WDR27: variants seen among roughly 807,000 people sequenced by gnomAD.
WDR27 encodes the protein WD repeat domain 27.
WDR27 carries 100 observed loss-of-function variants against 114.4 expected under a neutral mutation model. The ratio of observed to expected loss-of-function variants is 0.87; its 90% confidence interval spans 0.74 to 1.03. The LOEUF (loss-of-function observed/expected upper bound fraction) is 1.03. Ranked by LOEUF, WDR27 falls within the 50% of genes least tolerant of loss-of-function variation. The pLI is 0.00. For synonymous variants in WDR27, 449 were observed against 423.1 expected, an observed-to-expected ratio of 1.06 and a Z score of -0.75; for missense variants, 1,129 against 1,092.9, an observed-to-expected ratio of 1.03 and a Z score of -0.47.
At chr6:169,663,010 C>T (rs995246740) in intron 8 of WDR27, among the ~76,000 whole-genome samples, 1 of 151,526 alleles carries the variant, frequency 6.6e-6, no homozygotes, top group Non-Finnish European at 1.5e-5. Flanking sequence ...ACTCGGATCA[C>T]GCGTCGAGGA....
At chr6:169,616,478 C>T (rs558320600) in intron 21 of WDR27, among the ~76,000 whole-genome samples, 1 of 152,116 alleles carries the variant, frequency 6.6e-6, no homozygotes, top group African/African-American at 2.4e-5. Context: ...TAGAGCAAGA[C>T]TCCGTCTCCA....
intron 21 of WDR27, among the ~76,000 whole-genome samples, chr6:169,623,244 CTGA>C (rs1443489120): frequency 2.0e-5 from 3 of 152,156 alleles, no homozygotes; most frequent in African/African-American, 7.2e-5. Flanking sequence ...GCTTTGACTC[CTGA>C]TGATTTCACC....
intron 9 of WDR27, among the ~76,000 whole-genome samples, chr6:169,661,840 A>G (rs1826203026): frequency 6.6e-6 from 1 of 152,260 alleles, no homozygotes; most frequent in South Asian, 2.1e-4. Flanking sequence ...AGAAGTAAAC[A>G]TAATTGTAAT....
intron 25 of WDR27, among the ~76,000 whole-genome samples, chr6:169,549,659 G>A (rs1190717407): frequency 6.6e-6 from 1 of 152,168 alleles, no homozygotes; most frequent in Non-Finnish European, 1.5e-5. Context: ...ATAAAACTGT[G>A]GTGCATCCAG....
chr6:169,509,837 A>T (rs1792555116), intron 25 of WDR27, among the ~76,000 whole-genome samples: 1 of 152,252 alleles, frequency 6.6e-6, no homozygotes, highest in Admixed American at 6.5e-5. Flanking sequence ...ATCACAGTGA[A>T]CAGGCAACCT....
chr6:169,632,952 T>C lies in WDR27; in HGVS notation c.2218A>G (p.Asn740Asp). The change falls in exon 21 of 26, where the codon AAT (asparagine) becomes GAT (aspartate). Residue 740 changes from asparagine to aspartate, a missense_variant. Coordinates refer to ENST00000448612, the MANE Select transcript of WDR27 (RefSeq NM_182552.5). ...TTATCCAAAAACTTACTCACTTTATTTTGGCAGATTTGATGGACAGGCCGT... is the reference window on the plus strand; with the variant it reads ...TTATCCAAAAACTTACTCACTTTATCTTGGCAGATTTGATGGACAGGCCGT... ...HSRPVHQICQ[N>D]KGSSFTTQQP... 6.3e-7 allele frequency: 1 copy of C among 1,582,368 alleles called. No homozygotes were observed. Among genetic ancestry groups the C allele is most frequent in the Non-Finnish European group, 8.7e-7 (1 of 1,156,008 alleles).
intron 15 of WDR27, among the ~76,000 whole-genome samples, chr6:169,648,344 C>T (rs1439614445): frequency 1.3e-5 from 2 of 152,210 alleles, no homozygotes; most frequent in Non-Finnish European, 2.9e-5. Context: ...CACTGCTACC[C>T]AGCAGCTCCC....
Position 169,665,480 on chromosome 6 carries a change from T to C in WDR27, c.783+6A>G, listed in dbSNP as rs768887714. 1.2e-6 allele frequency: 2 copies of C among 1,612,288 alleles called. No homozygotes were observed. Among genetic ancestry groups the C allele is most frequent in the Non-Finnish European group, 8.5e-7 (1 of 1,179,154 alleles). ...GAACTGGAACTTAACTCTGTGGCTG[T>C]CTCACCTGGCCGTCAGCACACCCGG... On this transcript the variant is annotated splice_donor_region_variant and intron_variant, in intron 7 of 25. Coordinates refer to ENST00000448612, the MANE Select transcript of WDR27 (RefSeq NM_182552.5).
rs79859239 is a variant in WDR27, at chr6:169,549,252, G to A, written c.2645+23167C>T. ...ATGCCTCACCAAAGAGGGACATACC[G>A]ATGGCAAATAAGCATATAAAAATAC... On this transcript the variant is annotated intron_variant, in intron 25 of 25. Transcript: ENST00000448612. Among the ~76,000 whole-genome samples, 475 of 152,278 alleles carry A rather than the reference G, an allele frequency of 3.1e-3. 7 individuals carry two copies. The East Asian group carries it at 0.032, about 10-fold the overall frequency.
chr6:169,450,152 G>C, the WDR27 span, among the ~76,000 whole-genome samples: 2 of 152,206 alleles, frequency 1.3e-5, no homozygotes, highest in East Asian at 3.9e-4. Context: ...TCATTACGAA[G>C]ACTGGGGAGC....
At chr6:169,539,288 C>A (rs1008144794) in intron 25 of WDR27, among the ~76,000 whole-genome samples, 1 of 152,156 alleles carries the variant, frequency 6.6e-6, no homozygotes, top group Non-Finnish European at 1.5e-5. Flanking sequence ...TCGCCCCAAC[C>A]CGCTGGGAAG....
At chr6:169,582,101 G>C (rs1803549204) in intron 24 of WDR27, among the ~76,000 whole-genome samples, 1 of 152,126 alleles carries the variant, frequency 6.6e-6, no homozygotes, top group Non-Finnish European at 1.5e-5. Context: ...AGCCTCCCAA[G>C]TAGCTGGGAT....
chr6:169,573,052 G>A (rs898704417), intron 24 of WDR27, among the ~76,000 whole-genome samples: 4 of 151,926 alleles, frequency 2.6e-5, no homozygotes, highest in African/African-American at 7.2e-5. Flanking sequence ...CCTTCCCTCC[G>A]CACTCCTGCT....
intron 25 of WDR27, among the ~76,000 whole-genome samples, chr6:169,486,145 T>G (rs1788854929): frequency 6.6e-6 from 1 of 151,336 alleles, no homozygotes. Context: ...ACCCCTGAAC[T>G]TAAAAAGGTT....
At chr6:169,506,630 T>C (rs1792031105) in intron 25 of WDR27, among the ~76,000 whole-genome samples, 1 of 152,168 alleles carries the variant, frequency 6.6e-6, no homozygotes, top group Non-Finnish European at 1.5e-5. Context: ...GGTAAAAACA[T>C]GGTCATTACA....
intron 25 of WDR27, among the ~76,000 whole-genome samples, chr6:169,474,884 A>C (rs959996930): frequency 2.0e-5 from 3 of 152,226 alleles, no homozygotes; most frequent in African/African-American, 7.2e-5. Context: ...TCTATACCAC[A>C]TGGCAGTCAG....
At chr6:169,531,651 G>GT (rs1236992686) in intron 25 of WDR27, among the ~76,000 whole-genome samples, 1,102 of 96,738 alleles carry the variant, frequency 0.011, 13 homozygotes, top group African/African-American at 0.047. Flanking sequence ...ACATTAAACA[G>GT]TTTGTTTTTT....
chr6:169,427,537 G>A, the WDR27 span, among the ~76,000 whole-genome samples: 18 of 152,166 alleles, frequency 1.2e-4, no homozygotes, highest in Non-Finnish European at 2.6e-4. Context: ...GAGAGGGCTG[G>A]GAAGACAGTG....
intron 25 of WDR27, among the ~76,000 whole-genome samples, chr6:169,525,611 T>C (rs1794885321): frequency 6.6e-6 from 1 of 151,386 alleles, no homozygotes; most frequent in African/African-American, 2.4e-5. Flanking sequence ...GGCAAGGATG[T>C]AGAAAAAGAG....
Sources: gnomAD v4.1 joint callset for allele counts (sites outside exome capture counted in the v4.1 genomes callset) on GRCh38, gnomAD v4.1.1 for gene constraint, MANE v1.5 for transcripts, NCBI Gene and HGNC (gene_info 2026-07-23, HGNC 2026-07-21) for gene names.